Variants in NBAS observed in about 807,000 individuals in gnomAD.
NBAS encodes the protein NAG/BC035112 fusion.
In NBAS, 219 loss-of-function variants were observed where a neutral mutation model predicts 302.5. That is an observed-to-expected ratio of 0.72 (90% CI 0.65 to 0.81). The LOEUF is 0.81. NBAS is among the 30% of genes least tolerant of loss of function. The pLI is 0.00. For synonymous variants in NBAS, 1,118 were observed against 1,021.6 expected, an observed-to-expected ratio of 1.09 and a Z score of -1.80; for missense variants, 2,932 against 2,841.6, an observed-to-expected ratio of 1.03 and a Z score of -0.72.
At chr2:15,059,976 C>CAA in the NBAS span, among the ~76,000 whole-genome samples, 1 of 64,168 alleles carries the variant, frequency 1.6e-5, no homozygotes, top group Non-Finnish European at 3.3e-5. Flanking sequence ...AAAAAAAAAA[C>CAA]AAAAAAAAAA....
intron 42 of NBAS, among the ~76,000 whole-genome samples, chr2:15,284,512 C>T (rs1000058228): frequency 2.0e-5 from 3 of 152,110 alleles, no homozygotes; most frequent in Non-Finnish European, 4.4e-5. Context: ...CGCAAATGTG[C>T]TGATGCAGGT....
At chr2:14,889,799 C>T in the NBAS span, among the ~76,000 whole-genome samples, 6 of 152,244 alleles carry the variant, frequency 3.9e-5, no homozygotes, top group East Asian at 5.8e-4. Context: ...AATTAACCAA[C>T]GGGACAGGCT....
chr2:15,115,796 G>C, the NBAS span, among the ~76,000 whole-genome samples: 1 of 152,076 alleles, frequency 6.6e-6, no homozygotes, highest in East Asian at 1.9e-4. Context: ...ACAGGTGTGA[G>C]TCACCATGCC....
intron 21 of NBAS, among the ~76,000 whole-genome samples, chr2:15,432,033 A>T (rs964354047): frequency 6.6e-6 from 1 of 152,082 alleles, no homozygotes; most frequent in Non-Finnish European, 1.5e-5. Context: ...TCGATTCACA[A>T]TTAAAATATT....
At chr2:14,805,014 C>T in the NBAS span, among the ~76,000 whole-genome samples, 4 of 152,178 alleles carry the variant, frequency 2.6e-5, no homozygotes, top group Non-Finnish European at 5.9e-5. Context: ...ATAGTTCATT[C>T]ATTCAAGAAA....
At chr2:14,935,537 G>T in the NBAS span, among the ~76,000 whole-genome samples, 2 of 151,886 alleles carry the variant, frequency 1.3e-5, no homozygotes, top group East Asian at 3.9e-4. Flanking sequence ...CCATGTAAAC[G>T]GTACTTATGA....
chr2:15,166,289 C>A (rs543962397), downstream of NBAS, among the ~76,000 whole-genome samples: 6 of 152,144 alleles, frequency 3.9e-5, no homozygotes, highest in Non-Finnish European at 8.8e-5. Context: ...TGGCTCTGTT[C>A]CCCCACCCAC....
chr2:15,017,702 T>C, the NBAS span, among the ~76,000 whole-genome samples: 4 of 152,000 alleles, frequency 2.6e-5, no homozygotes, highest in Non-Finnish European at 5.9e-5. Flanking sequence ...ACTGTGGGAA[T>C]GTAAGCTAGT....
At chr2:15,032,584 T>A in the NBAS span, among the ~76,000 whole-genome samples, 1 of 152,098 alleles carries the variant, frequency 6.6e-6, no homozygotes, top group Non-Finnish European at 1.5e-5. Flanking sequence ...GAAGACAGAG[T>A]TATTAAGCAA....
chr2:15,280,111 A>G lies in NBAS; in HGVS notation c.5139-3010T>C, dbSNP rs559569099. On this transcript the variant is annotated intron_variant, in intron 42 of 51. Transcript: ENST00000281513. ...AACAGAAGAAGCCAGCATTAGTTGC[A>G]CTCAATGCACAGAAATAAATTATTC... 4.6e-5 allele frequency among the ~76,000 whole-genome samples: 7 copies of G among 152,316 alleles called. No homozygotes were observed. In the South Asian group the frequency reaches 1.5e-3, roughly 32 times the overall value.
At chr2:14,839,096 CA>C in the NBAS span, among the ~76,000 whole-genome samples, 1 of 151,848 alleles carries the variant, frequency 6.6e-6, no homozygotes, top group African/African-American at 2.4e-5. Flanking sequence ...CCCCACCACA[CA>C]AAACCAAAAC....
At chr2:15,466,249 C>T (rs1679719083) in intron 19 of NBAS, among the ~76,000 whole-genome samples, 1 of 152,128 alleles carries the variant, frequency 6.6e-6, no homozygotes, top group African/African-American at 2.4e-5. Context: ...TCAGATGTGA[C>T]ATACAGTGCC....
intron 31 of NBAS, among the ~76,000 whole-genome samples, chr2:15,368,276 TG>T (rs1488059967): frequency 6.8e-6 from 1 of 146,900 alleles, no homozygotes; most frequent in Non-Finnish European, 1.5e-5. Flanking sequence ...CTCGGCTTAC[TG>T]CAACCTCCAC....
chr2:15,306,467 G>A (rs1402281619), intron 40 of NBAS, among the ~76,000 whole-genome samples: 3 of 152,136 alleles, frequency 2.0e-5, no homozygotes, highest in Non-Finnish European at 4.4e-5. Flanking sequence ...GTCTTTCCAC[G>A]TGTCTTCTTG....
chr2:15,064,302 C>CAAAAAAAAAAAAAAAAAAAACAA, the NBAS span, among the ~76,000 whole-genome samples: 1 of 131,394 alleles, frequency 7.6e-6, no homozygotes. Flanking sequence ...AGAAAAGACT[C>CAAAAAAAAAAAAAAAAAAAACAA]AAAAAAAAAA....
At chr2:14,907,894 G>C in the NBAS span, among the ~76,000 whole-genome samples, 1 of 152,196 alleles carries the variant, frequency 6.6e-6, no homozygotes, top group African/African-American at 2.4e-5. Context: ...TGAAACAGGA[G>C]GGGGAGACAA....
chr2:14,991,452 C>T, the NBAS span, among the ~76,000 whole-genome samples: 1 of 152,158 alleles, frequency 6.6e-6, no homozygotes, highest in African/African-American at 2.4e-5. Context: ...CACTCTTCTT[C>T]CCAGTGTTGC....
At chr2:15,238,397 T>C in intron 45 of NBAS, 71 bp downstream of exon 45, 1 of 1,477,024 alleles carries the variant, frequency 6.8e-7, no homozygotes, top group Non-Finnish European at 9.3e-7. Flanking sequence ...AAACGACTAA[T>C]GTAACTTTCA....
chr2:14,809,973 G>T, the NBAS span, among the ~76,000 whole-genome samples: 2 of 152,362 alleles, frequency 1.3e-5, no homozygotes, highest in South Asian at 4.1e-4. Flanking sequence ...TTTTGGACTT[G>T]CATGGGGCTT....
Sources: gnomAD v4.1 joint callset for allele counts (sites outside exome capture counted in the v4.1 genomes callset) on GRCh38, gnomAD v4.1.1 for gene constraint, MANE v1.5 for transcripts, NCBI Gene and HGNC (gene_info 2026-07-23, HGNC 2026-07-21) for gene names.